MACF1: variants seen among roughly 807,000 people sequenced by gnomAD.
MACF1 encodes the protein microtubule actin crosslinking factor 1, also known as microtubule-actin cross-linking factor 1.
Under a neutral mutation model 854.8 loss-of-function variants are expected in MACF1, and 193 were observed. The observed-to-expected ratio is 0.23, with a 90% CI of 0.20 to 0.25. MACF1 has a LOEUF of 0.25. Ranked by LOEUF, MACF1 falls within the 10% of genes least tolerant of loss-of-function variation. MACF1 has a pLI of 1.00. For synonymous variants in MACF1, 3,185 were observed against 3,226.7 expected (o/e 0.99, Z 0.44); for missense variants, 7,722 against 8,929.1 (o/e 0.86, Z 5.45).
intron 96 of MACF1, among the ~76,000 whole-genome samples, chr1:39,469,299 GT>G (rs1428264356): frequency 2.0e-5 from 3 of 152,222 alleles, no homozygotes; most frequent in Non-Finnish European, 4.4e-5. Context: ...TAAGGAGACT[GT>G]CAATTTAATA....
rs761063541 is a variant in MACF1 at position 39,293,607 on chromosome 1, A to C, written c.2142A>C (p.Arg714Ser). The part of the protein sequence containing the change: ...SDNNSNISAK[R>S]NYFSELTMEL... ...ACAATTCCAATATCTCAGCCAAGAG[A>C]AATTACTTCTCTGTGAGTCTAGCAC... is the stretch of plus-strand genomic sequence containing the variant. Residue 714 changes from arginine to serine, a missense_variant, in exon 18 of 101, where the codon AGA becomes AGC. Physicochemically the swap from Arg to Ser is moderately radical, Grantham distance 110. Coordinates refer to ENST00000564288, the MANE Select transcript of MACF1 (RefSeq NM_001394062.1). The C allele has an allele frequency of 6.2e-7, 1 of 1,613,172 alleles. No homozygotes were observed. The highest frequency in any genetic ancestry group is 8.5e-7 in the Non-Finnish European group (1 of 1,179,420).
Position 39,460,953 on chromosome 1 carries a change from T to C in MACF1, c.21523+159T>C, listed in dbSNP as rs144939922. 9.0e-4 allele frequency among the ~76,000 whole-genome samples: 137 copies of C among 152,112 alleles called. No homozygotes were observed. The highest frequency in any genetic ancestry group is 3.0e-3 in the African/African-American group (126 of 41,486). ...TGGGAGGCAGGTGGCAAAGGCATGG[T>C]GGCACACTTGCAGTCCTAGCTACTT... On this transcript the variant is annotated intron_variant, in intron 92 of 100. Coordinates refer to ENST00000564288, the MANE Select transcript of MACF1 (RefSeq NM_001394062.1). This position sits in a 1 kb window ranked among gnomAD's most constrained non-coding sequence, Gnocchi z 4.1.
chr1:39,351,550 G>A (rs78707186), intron 43 of MACF1, among the ~76,000 whole-genome samples: 8,262 of 140,944 alleles, frequency 0.059, 301 homozygotes, highest in African/African-American at 0.1. Flanking sequence ...GTGAGGAAGA[G>A]TATTATTATG....
chr1:39,285,406 T>C lies in MACF1; in HGVS notation c.1353+16T>C. 1 of 1,612,732 alleles carries C rather than the reference T, an allele frequency of 6.2e-7. No homozygotes were observed. Among genetic ancestry groups the C allele is most frequent in the Non-Finnish European group, 8.5e-7 (1 of 1,179,334 alleles). ...ACTGCAGGCTGTAAGTCTCTGACTG[T>C]TTTGTCCAACATCTGTGTCACATGT... On this transcript the variant is annotated intron_variant, in intron 13 of 100. Coordinates refer to ENST00000564288, the MANE Select transcript of MACF1 (RefSeq NM_001394062.1).
intron 6 of MACF1, among the ~76,000 whole-genome samples, chr1:39,270,666 G>A (rs1278820985): frequency 6.6e-6 from 1 of 152,160 alleles, no homozygotes; most frequent in Non-Finnish European, 1.5e-5. Context: ...GTTGGCCTCT[G>A]CAGCAGAAGA....
rs775289956 is a variant in MACF1 at position 39,387,726 on chromosome 1, T to C, written c.14884T>C (p.Leu4962=). The change falls in exon 58 of 101, where the codon TTG becomes CTG. Residue 4962 remains leucine, a synonymous_variant. Transcript: ENST00000564288. ...GAAGCGCCGCTCCCTGCTGGAAATA[T>C]TGAATAGTGCTGCTGACATTCTGAT... The part of the protein sequence containing the change: ...VEKRRSLLEI[L]NSAADILINS... The C allele has an allele frequency of 1.3e-5, 21 of 1,614,054 alleles. No individual in the cohort carries two copies. The highest frequency in any genetic ancestry group is 8.9e-5 in the East Asian group (4 of 44,898).
chr1:39,369,874 A>G (rs1035150215), intron 50 of MACF1, among the ~76,000 whole-genome samples, 156 bp from the exon 51 acceptor site: 3 of 152,224 alleles, frequency 2.0e-5, no homozygotes, highest in African/African-American at 7.2e-5. Flanking sequence ...TCAATGTTAT[A>G]TGCGGTTGTT....
Position 39,485,983 on chromosome 1 carries a change from T to C in MACF1, c.*189T>C. On this transcript the variant is annotated 3_prime_UTR_variant, in exon 101 of 101. Transcript: ENST00000564288. ...TGTGAATATTTATGTAGATAAAATT[T>C]GCCTCCTGGTAACCCTGTAATGGAT... The C allele has an allele frequency of 3.5e-6, 2 of 572,668 alleles. No individual in the cohort carries two copies. The highest frequency in any genetic ancestry group is 5.3e-6 in the Non-Finnish European group (2 of 379,242). 35.5% of individuals were successfully genotyped at this position (572,668 alleles called of 1,614,324 possible).
rs776337894 is a variant in MACF1 at position 39,441,969 on chromosome 1, A to G, written c.18690A>G (p.Leu6230=). ...QDTLQAMFDW[L]DNTVIKLCTM... ...TGTTCTAGGCTATGTTTGACTGGCT[A>G]GATAACACTGTGATTAAACTCTGCA... Residue 6230 remains leucine, a synonymous_variant, in exon 75 of 101, where the codon CTA becomes CTG. Transcript: ENST00000564288. The G allele has an allele frequency of 2.3e-5, 37 of 1,613,956 alleles. No individual in the cohort carries two copies. In the South Asian group the frequency reaches 3.5e-4, roughly 15 times the overall value.
chr1:39,280,496 C>G (rs1181300611), intron 6 of MACF1, among the ~76,000 whole-genome samples: 2 of 152,082 alleles, frequency 1.3e-5, no homozygotes, highest in African/African-American at 4.8e-5. Context: ...GCCAGCCCCC[C>G]TCAGGAAACG....
intron 97 of MACF1, among the ~76,000 whole-genome samples, chr1:39,469,938 G>C (rs1644745285): frequency 6.6e-6 from 1 of 151,388 alleles, no homozygotes; most frequent in Admixed American, 6.6e-5. Context: ...TTACAGAATA[G>C]GAAATTGAGG....
In MACF1 at chr1:39,327,137, G is replaced by A; in HGVS notation, c.4479-81G>A. The A allele has an allele frequency of 3.7e-6, 5 of 1,347,700 alleles. 1 individual carries two copies. In the South Asian group the frequency reaches 6.4e-5, roughly 17 times the overall value. The allele number at this position is 1,347,700 out of a possible 1,614,324, so 83.5% of individuals were successfully genotyped here. ...AAGATCATCCATCCAAGATGAAGAA[G>A]TAGCAATTTTGAAGCAATAGAGCAG... On this transcript the variant is annotated intron_variant, in intron 35 of 100. Coordinates refer to ENST00000564288, the MANE Select transcript of MACF1 (RefSeq NM_001394062.1).
chr1:39,472,126 C>A (rs1388772779), intron 97 of MACF1, among the ~76,000 whole-genome samples: 1 of 152,120 alleles, frequency 6.6e-6, no homozygotes, highest in Non-Finnish European at 1.5e-5. Flanking sequence ...AATGGTAGAT[C>A]TTTTCTCCAG....
At chr1:39,287,667 AATT>A in intron 15 of MACF1, 105 bp downstream of exon 15, 2 of 1,224,694 alleles carry the variant, frequency 1.6e-6, no homozygotes, top group Non-Finnish European at 2.3e-6. Context: ...AGATTCCCTT[AATT>A]ATTATTATTC....
intron 2 of MACF1, among the ~76,000 whole-genome samples, chr1:39,148,375 C>T (rs996648751): frequency 2.6e-5 from 4 of 152,026 alleles, no homozygotes; most frequent in African/African-American, 9.7e-5. Flanking sequence ...GGCAGAATCT[C>T]CCCTCCCCTT....
chr1:39,308,287 T>C (rs893972552), intron 23 of MACF1, among the ~76,000 whole-genome samples: 3 of 152,204 alleles, frequency 2.0e-5, no homozygotes, highest in Non-Finnish European at 2.9e-5. Flanking sequence ...CCTCCTGAAC[T>C]AATTTTCTAA....
At chr1:39,094,476 C>A (rs1377286100) in intron 2 of MACF1, among the ~76,000 whole-genome samples, 1 of 151,180 alleles carries the variant, frequency 6.6e-6, no homozygotes, top group African/African-American at 2.4e-5. Flanking sequence ...AATCCCAGCA[C>A]TTTGGGAGGC....
Position 39,336,081 on chromosome 1 carries a change from T to A in MACF1, c.9493T>A (p.Ser3165Thr), listed in dbSNP as rs753389721. ...TKETKHQISS[S>T]NECKEKSYQE... is the part of the protein sequence containing the mutation. ...GGAAACCAAACATCAAATTTCCTCA[T>A]CTAATGAATGTAAAGAAAAGTCATA... Residue 3165 changes from serine (S) to threonine (T), a missense_variant, in exon 37 of 101, where the codon TCT becomes ACT. Coordinates refer to ENST00000564288, the MANE Select transcript of MACF1 (RefSeq NM_001394062.1). 2.5e-6 allele frequency: 4 copies of A among 1,613,952 alleles called. No individual in the cohort carries two copies. The Admixed American group carries it at 6.7e-5, about 27-fold the overall frequency.
intron 2 of MACF1, among the ~76,000 whole-genome samples, chr1:39,135,468 C>G (rs1197434632): frequency 1.3e-5 from 2 of 152,002 alleles, no homozygotes; most frequent in Non-Finnish European, 2.9e-5. Flanking sequence ...AGGCTGATCT[C>G]GAACTCTTGA....
Sources: gnomAD v4.1 joint callset for allele counts (sites outside exome capture counted in the v4.1 genomes callset) on GRCh38, gnomAD v4.1.1 for gene constraint, Gnocchi (gnomAD v3.1) non-coding constraint, MANE v1.5 for transcripts, NCBI Gene and HGNC (gene_info 2026-07-23, HGNC 2026-07-21) for gene names.